Variants in ASB3 observed in about 807,000 individuals in gnomAD.
The protein encoded by ASB3 is ankyrin repeat and SOCS box containing 3.
Under a neutral mutation model 54.5 loss-of-function variants are expected in ASB3, and 41 were observed. The ratio of observed to expected loss-of-function variants is 0.75; its 90% CI spans 0.59 to 0.98. The LOEUF is 0.98. ASB3 is among the 50% of genes least tolerant of loss of function. ASB3 has a pLI of 0.00. For missense variants in ASB3, 733 were observed against 620.0 expected, an observed-to-expected ratio of 1.18 and a Z score of -1.94; for synonymous variants, 266 against 221.2, an observed-to-expected ratio of 1.20 and a Z score of -1.80.
chr2:53,781,905 G>A (rs1674670760), intron 1 of ASB3, among the ~76,000 whole-genome samples: 1 of 152,206 alleles, frequency 6.6e-6, no homozygotes, highest in Non-Finnish European at 1.5e-5. Context: ...TTAAACAACA[G>A]TATGCCTTGC....
intron 2 of ASB3, among the ~76,000 whole-genome samples, chr2:53,757,394 C>T (rs574209175): frequency 6.6e-6 from 1 of 152,306 alleles, no homozygotes; most frequent in South Asian, 2.1e-4. Context: ...GCTGTCGTCC[C>T]GAACTCCCGG....
intron 9 of ASB3, among the ~76,000 whole-genome samples, chr2:53,692,899 G>A (rs1339814327): frequency 6.6e-6 from 1 of 151,994 alleles, no homozygotes; most frequent in African/African-American, 2.4e-5. Flanking sequence ...CTAGAAGGCT[G>A]AAAGACTCCA....
chr2:53,775,047 T>G (rs1481023498), intron 1 of ASB3: 1 of 152,644 alleles, frequency 6.6e-6, no homozygotes, highest in Non-Finnish European at 1.5e-5. Context: ...ATCTTTTGAG[T>G]TTTTAGCCAA....
intron 7 of ASB3, among the ~76,000 whole-genome samples, chr2:53,703,315 C>CTA (rs1399674364): frequency 6.6e-6 from 1 of 152,172 alleles, no homozygotes; most frequent in East Asian, 1.9e-4. Flanking sequence ...GTTGCAGGAT[C>CTA]TATACAGTAG....
At chr2:53,764,570 A>T (rs10205590) in intron 2 of ASB3, among the ~76,000 whole-genome samples, 1 of 152,066 alleles carries the variant, frequency 6.6e-6, no homozygotes, top group Non-Finnish European at 1.5e-5. Context: ...TACCCCCTCT[A>T]TACTAAATGT....
intron 9 of ASB3, among the ~76,000 whole-genome samples, chr2:53,673,758 C>G (rs541516202): frequency 6.6e-6 from 1 of 152,214 alleles, no homozygotes; most frequent in South Asian, 2.1e-4. Flanking sequence ...TTCAGAATAT[C>G]TTTCCATTTA....
chr2:53,703,811 C>A (rs936426201), intron 7 of ASB3, among the ~76,000 whole-genome samples: 1 of 152,058 alleles, frequency 6.6e-6, no homozygotes, highest in African/African-American at 2.4e-5. Flanking sequence ...GCCATTAACA[C>A]CTGAAGTCGG....
chr2:53,725,441 A>G (rs1483555001), intron 5 of ASB3, among the ~76,000 whole-genome samples: 2 of 152,164 alleles, frequency 1.3e-5, no homozygotes, highest in African/African-American at 4.8e-5. Context: ...TCTGAAATAA[A>G]AGTTGAAATT....
intron 8 of ASB3, among the ~76,000 whole-genome samples, chr2:53,697,277 C>T (rs1392403920): frequency 6.6e-6 from 1 of 152,198 alleles, no homozygotes; most frequent in Non-Finnish European, 1.5e-5. Flanking sequence ...CTGGGACTTG[C>T]CCACCCCTTT....
intron 7 of ASB3, among the ~76,000 whole-genome samples, chr2:53,704,899 AG>A (rs1460833991): frequency 6.6e-6 from 1 of 152,178 alleles, no homozygotes; most frequent in Non-Finnish European, 1.5e-5. Flanking sequence ...TAAAGAACTC[AG>A]GTTTTTCTAC....
intron 3 of ASB3, among the ~76,000 whole-genome samples, chr2:53,737,702 T>C (rs149802339): frequency 1.9e-4 from 27 of 144,622 alleles, no homozygotes; most frequent in African/African-American, 6.2e-4. Context: ...TATGTGAAAT[T>C]GTCCAGGACG....
rs555579344 is a variant in ASB3 at position 53,689,057 on chromosome 2, A to G, written c.1369+4827T>C. Among the ~76,000 whole-genome samples, 10 of 152,364 alleles carry G rather than the reference A, an allele frequency of 6.6e-5. No individual in the cohort carries two copies. The East Asian group carries it at 1.7e-3, about 26-fold the overall frequency. On this transcript the variant is annotated intron_variant, in intron 9 of 9. Transcript: ENST00000263634. The stretch of plus-strand genomic sequence containing the variant: ...TAAAATTTTAGCCAGTAAATTTTAA[A>G]TATGTCATAAATCCTTTATTTCCAT...
intron 1 of ASB3, among the ~76,000 whole-genome samples, chr2:53,783,812 C>A (rs1674786426): frequency 6.6e-6 from 1 of 152,130 alleles, no homozygotes; most frequent in Admixed American, 6.5e-5. Context: ...AATTAAATTA[C>A]CTGTTTAATC....
chr2:53,707,531 C>G (rs1345686387), intron 7 of ASB3, among the ~76,000 whole-genome samples: 1 of 151,290 alleles, frequency 6.6e-6, no homozygotes, highest in Non-Finnish European at 1.5e-5. Context: ...ACCTGTAGTC[C>G]CAGCTACTCG....
intron 1 of ASB3, chr2:53,786,351 G>T (rs1674999436): frequency 6.6e-6 from 1 of 152,316 alleles, no homozygotes; most frequent in African/African-American, 2.4e-5. Flanking sequence ...ATGTAGGGTT[G>T]TGATGTCTAG....
chr2:53,738,997 A>G (rs1036363271), intron 3 of ASB3, among the ~76,000 whole-genome samples: 23 of 152,232 alleles, frequency 1.5e-4, no homozygotes, highest in African/African-American at 5.5e-4. Flanking sequence ...CTCTGAGGGT[A>G]GGAACACTGC....
rs566870517 is a variant in ASB3, at chr2:53,708,990, T to C, written c.980+5394A>G. ...TGGCAAATGGTAGAAAAGAAAAGCC[T>C]ATTTTCAGGGAAGGAATTCAAGCAG... On this transcript the variant is annotated intron_variant, in intron 7 of 9. Coordinates refer to ENST00000263634, the MANE Select transcript of ASB3 (RefSeq NM_016115.5). Among the ~76,000 whole-genome samples the C allele has an allele frequency of 2.6e-5, 4 of 152,314 alleles. No individual in the cohort carries two copies. The South Asian group carries it at 8.3e-4, about 32-fold the overall frequency.
chr2:53,728,101 G>A (rs905691598), intron 5 of ASB3, among the ~76,000 whole-genome samples: 20 of 151,958 alleles, frequency 1.3e-4, no homozygotes, highest in Non-Finnish European at 1.9e-4. Flanking sequence ...GCACTGTGAA[G>A]AGCATATCTG....
chr2:53,722,727 A>C (rs1465381494), intron 5 of ASB3, among the ~76,000 whole-genome samples: 1 of 152,166 alleles, frequency 6.6e-6, no homozygotes, highest in Non-Finnish European at 1.5e-5. Flanking sequence ...ACCCACAGCC[A>C]ACATCATACT....
Sources: allele counts gnomAD v4.1 joint callset (sites outside exome capture counted in the v4.1 genomes callset), GRCh38; gene constraint gnomAD v4.1.1; transcripts MANE v1.5; gene names NCBI Gene and HGNC (gene_info 2026-07-23, HGNC 2026-07-21).